The following ATP5F1E variants were observed in gnomAD, a reference collection of about 807,000 sequenced individuals.
The protein encoded by ATP5F1E is ATP synthase F1 subunit epsilon.
ATP5F1E carries 5 observed loss-of-function variants against 7.0 expected under a neutral mutation model. That is an observed-to-expected ratio of 0.71 (90% confidence interval 0.37 to 1.49). The LOEUF (loss-of-function observed/expected upper bound fraction) is 1.49. Among genes scored for constraint, ATP5F1E ranks in the 40% most tolerant of loss-of-function variants. ATP5F1E has a pLI of 0.03. For missense variants in ATP5F1E, 59 were observed against 57.1 expected (o/e 1.03, Z -0.11); for synonymous variants, 20 against 20.1 (o/e 0.99, Z 0.02).
chr20:59,030,451 T>C (rs769956976), intron 1 of ATP5F1E, 22 bp from the exon 2 acceptor site: 3 of 1,612,978 alleles, frequency 1.9e-6, no homozygotes, highest in East Asian at 2.2e-5. Flanking sequence ...TGAGAGAAGG[T>C]ATATGGTTAA....
rs972852917 is a variant in ATP5F1E at position 59,027,560 on chromosome 20, G to A, written c.*1285C>T. ...TGTCAAAAAGGCCCGATAGCTTTTT[G>A]ATTCATTTATTCCTGTTCCCTGTAA... On this transcript the variant is annotated 3_prime_UTR_variant, in exon 3 of 3. Coordinates refer to ENST00000243997, the MANE Select transcript of ATP5F1E (RefSeq NM_006886.4). 14 of 152,292 alleles carry A rather than the reference G, an allele frequency of 9.2e-5. No individual in the cohort carries two copies. The East Asian group carries it at 2.1e-3, about 23-fold the overall frequency. 9.4% of individuals were successfully genotyped at this position (152,292 alleles called of 1,614,324 possible).
rs2092017343 is a variant in ATP5F1E at position 59,030,232 on chromosome 20, A to G, written c.*3+71T>C. 5.7e-6 allele frequency: 9 copies of G among 1,587,780 alleles called. No homozygotes were observed. The South Asian group carries it at 1.0e-4, about 18-fold the overall frequency. On this transcript the variant is annotated intron_variant, in intron 2 of 2. Transcript: ENST00000243997. ...AAAATGAATAGAACCCAAAACTAAAATTATTTTGATCTTTATGGTGCTCCA... is the reference window on the plus strand; with the variant it reads ...AAAATGAATAGAACCCAAAACTAAAGTTATTTTGATCTTTATGGTGCTCCA...
At chr20:59,031,126 AG>A (rs1441222556) in intron 1 of ATP5F1E, among the ~76,000 whole-genome samples, 1 of 152,148 alleles carries the variant, frequency 6.6e-6, no homozygotes, top group Non-Finnish European at 1.5e-5. Context: ...GGAAGCGGGG[AG>A]GGGTGCTATT....
At chr20:59,029,457 T>C (rs908475982) in intron 2 of ATP5F1E, 3 of 152,330 alleles carry the variant, frequency 2.0e-5, no homozygotes, top group South Asian at 2.1e-4. Flanking sequence ...ATAAGTAAAA[T>C]TGCTCATAAC....
At chr20:59,029,976 G>T in intron 2 of ATP5F1E, 1 of 336,378 alleles carries the variant, frequency 3.0e-6, no homozygotes, top group Non-Finnish European at 5.8e-6. Flanking sequence ...ATACAAGTGG[G>T]GAGTTCATCC....
In ATP5F1E at chr20:59,032,276, G is replaced by T. The variant is rs201907184; in HGVS notation, c.-25C>A. The T allele has an allele frequency of 2.1e-5, 33 of 1,596,568 alleles. No individual in the cohort carries two copies. The highest frequency in any genetic ancestry group is 4.0e-5 in the African/African-American group (3 of 74,916). On this transcript the variant is annotated 5_prime_UTR_variant, in exon 1 of 3. Coordinates refer to ENST00000243997, the MANE Select transcript of ATP5F1E (RefSeq NM_006886.4). ...TGCTGTAGCGAAAGCGGAGCTCGTC[G>T]GGCCGAATCGCCAAGACGCCGGCAA...
intron 1 of ATP5F1E, 73 bp downstream of exon 1, chr20:59,032,147 T>G: frequency 1.3e-6 from 2 of 1,544,932 alleles, no homozygotes; most frequent in Admixed American, 3.9e-5. Context: ...CTCTGTGTCC[T>G]GCATGACCTC....
intron 1 of ATP5F1E, 58 bp from the exon 2 acceptor site, chr20:59,030,487 G>T (rs777087068): frequency 5.6e-6 from 9 of 1,602,368 alleles, no homozygotes; most frequent in Non-Finnish European, 7.7e-6. Flanking sequence ...CCAGACAGCT[G>T]TTACTGTGTT....
In ATP5F1E at chr20:59,028,210, T is replaced by TG. The variant is rs2092004545; in HGVS notation, c.*634_*635insC. ...TCAACTCAATGAGCAAGTTATTCAA[T>TG]AGCTTTGCCTCATTTCCTATGAGAA... On this transcript the variant is annotated 3_prime_UTR_variant, in exon 3 of 3. Transcript: ENST00000243997. 6.6e-6 allele frequency: 1 copy of TG among 152,232 alleles called. No homozygotes were observed. Among genetic ancestry groups the TG allele is most frequent in the Non-Finnish European group, 1.5e-5 (1 of 68,044 alleles). The allele number at this position is 152,232 out of a possible 1,614,324, so 9.4% of individuals were successfully genotyped here.
Position 59,030,446 on chromosome 20 carries a change from G to A in ATP5F1E, c.33-17C>T. ...CGGATGTAGCTGGGAGAAAATGAGA[G>A]AAGGTATATGGTTAATTATCAATAT... On this transcript the variant is annotated splice_polypyrimidine_tract_variant and intron_variant, in intron 1 of 2. Coordinates refer to ENST00000243997, the MANE Select transcript of ATP5F1E (RefSeq NM_006886.4). The A allele has an allele frequency of 1.2e-6, 2 of 1,613,168 alleles. No individual in the cohort carries two copies. Among genetic ancestry groups the A allele is most frequent in the Non-Finnish European group, 1.7e-6 (2 of 1,179,418 alleles).
chr20:59,029,358 T>C (rs2092011148), intron 2 of ATP5F1E: 1 of 152,218 alleles, frequency 6.6e-6, no homozygotes, highest in South Asian at 2.1e-4. Context: ...GAAAAAGGGC[T>C]AAATTCAAAA....
rs1240142431 is a variant in ATP5F1E, at chr20:59,032,323, C to T, written c.-72G>A. On this transcript the variant is annotated 5_prime_UTR_variant, in exon 1 of 3. Transcript: ENST00000243997. ...GCAATGTCGGCTCAGCCGGGCGGTT[C>T]AGCCGCAGGAAGATCAGACCACAGA... is the stretch of plus-strand genomic sequence containing the variant. 1.9e-6 allele frequency: 3 copies of T among 1,556,102 alleles called. No individual in the cohort carries two copies. Among genetic ancestry groups the T allele is most frequent in the Non-Finnish European group, 2.6e-6 (3 of 1,148,150 alleles).
chr20:59,026,414 G>T lies in ATP5F1E; in HGVS notation c.*2431C>A, dbSNP rs1218390504. The T allele has an allele frequency of 6.6e-6, 1 of 152,168 alleles. No homozygotes were observed. The highest frequency in any genetic ancestry group is 1.5e-5 in the Non-Finnish European group (1 of 68,036). The allele number at this position is 152,168 out of a possible 1,614,324, so 9.4% of individuals were successfully genotyped here. A position where few individuals can be genotyped will look rare whatever the true frequency, so the allele number is the denominator to read the frequency against. ...CTTCCTGAGATGCTAAAGACTTACA[G>T]CCTGCGATTATACAAGGATTTACAC... On this transcript the variant is annotated 3_prime_UTR_variant, in exon 3 of 3. Transcript: ENST00000243997.
rs994347522 is a variant in ATP5F1E, at chr20:59,027,235, A to G, written c.*1610T>C. 3 of 151,726 alleles carry G rather than the reference A, an allele frequency of 2.0e-5. No individual in the cohort carries two copies. The highest frequency in any genetic ancestry group is 7.3e-5 in the African/African-American group (3 of 41,236). The allele number at this position is 151,726 out of a possible 1,614,324, so 9.4% of individuals were successfully genotyped here. A position where few individuals can be genotyped will look rare whatever the true frequency, so the allele number is the denominator to read the frequency against. On this transcript the variant is annotated 3_prime_UTR_variant, in exon 3 of 3. Coordinates refer to ENST00000243997, the MANE Select transcript of ATP5F1E (RefSeq NM_006886.4). Reference sequence around the variant, plus strand: ...ATCTCTATACCAATAATCTACCAATATACTACCAATCTACTATGCCATCTA... The same window carrying G: ...ATCTCTATACCAATAATCTACCAATGTACTACCAATCTACTATGCCATCTA...
chr20:59,030,516 C>T (rs2092020560), intron 1 of ATP5F1E, 87 bp from the exon 2 acceptor site: 1 of 1,546,334 alleles, frequency 6.5e-7, no homozygotes, highest in East Asian at 2.3e-5. Context: ...TCTTCCTGTA[C>T]TTTTTATTTT....
intron 2 of ATP5F1E, chr20:59,029,848 GTTA>G (rs1234004349): frequency 4.7e-6 from 1 of 212,542 alleles, no homozygotes; most frequent in African/African-American, 2.4e-5. Context: ...TGTGCCTGTA[GTTA>G]TTATGTTCGG....
intron 2 of ATP5F1E, 176 bp downstream of exon 2, chr20:59,030,127 T>C: frequency 1.4e-6 from 1 of 695,386 alleles, no homozygotes; most frequent in Non-Finnish European, 2.2e-6. Context: ...ACTTTCTTTT[T>C]ATTAGGCCAG....
chr20:59,030,583 G>T (rs1278158155), intron 1 of ATP5F1E, among the ~76,000 whole-genome samples, 154 bp from the exon 2 acceptor site: 1 of 152,196 alleles, frequency 6.6e-6, no homozygotes, highest in Non-Finnish European at 1.5e-5. Flanking sequence ...ATGCCAAAAA[G>T]TATCTATACA....
chr20:59,030,450 G>T (rs1436210921), intron 1 of ATP5F1E, 21 bp from the exon 2 acceptor site: 1 of 1,612,910 alleles, frequency 6.2e-7, no homozygotes, highest in Non-Finnish European at 8.5e-7. Context: ...ATGAGAGAAG[G>T]TATATGGTTA....
Sources: gnomAD v4.1 joint callset for allele counts (sites outside exome capture counted in the v4.1 genomes callset) on GRCh38, gnomAD v4.1.1 for gene constraint, MANE v1.5 for transcripts, NCBI Gene and HGNC (gene_info 2026-07-23, HGNC 2026-07-21) for gene names.